Variants in MCTP1 observed in about 807,000 individuals in gnomAD.
MCTP1 encodes the protein multiple C2 and transmembrane domain containing 1, also known as multiple C2 and transmembrane domain-containing protein 1.
Under a neutral mutation model 120.6 loss-of-function variants are expected in MCTP1, and 69 were observed. The observed-to-expected ratio is 0.57, with a 90% CI of 0.47 to 0.70. MCTP1 has a LOEUF of 0.70. Ranked by LOEUF, MCTP1 falls within the 30% of genes least tolerant of loss-of-function variation. MCTP1 has a pLI of 0.00. For synonymous variants in MCTP1, 529 were observed against 493.1 expected (o/e 1.07, Z -0.96); for missense variants, 1,203 against 1,248.8 (o/e 0.96, Z 0.55).
chr5:94,774,869 TTGAATA>T (rs1774953574), intron 19 of MCTP1, among the ~76,000 whole-genome samples: 1 of 152,214 alleles, frequency 6.6e-6, no homozygotes, highest in South Asian at 2.1e-4. Flanking sequence ...AGTTATTTCA[TTGAATA>T]TAACTAGAAA....
chr5:94,810,641 A>G (rs1783210410), intron 17 of MCTP1, among the ~76,000 whole-genome samples: 1 of 152,200 alleles, frequency 6.6e-6, no homozygotes, highest in Non-Finnish European at 1.5e-5. Context: ...AGAAAAGCAG[A>G]TGATCAATTA....
intron 1 of MCTP1, among the ~76,000 whole-genome samples, chr5:95,158,359 A>G (rs1203809044): frequency 6.6e-6 from 1 of 152,222 alleles, no homozygotes; most frequent in East Asian, 1.9e-4. Flanking sequence ...CAAAAATTAT[A>G]CAATCCTCTG....
chr5:95,129,541 T>A (rs1758877633), intron 1 of MCTP1, among the ~76,000 whole-genome samples: 1 of 152,248 alleles, frequency 6.6e-6, no homozygotes, highest in African/African-American at 2.4e-5. Context: ...AGTATGTCTG[T>A]GAGTACATTT....
At chr5:94,915,805 T>C (rs159350) in intron 8 of MCTP1, among the ~76,000 whole-genome samples, 32,679 of 151,964 alleles carry the variant, frequency 0.22, 3,669 homozygotes, top group South Asian at 0.22. Context: ...CCATTTTCCA[T>C]TGGGTCCTTT....
At chr5:95,226,286 A>G (rs1319292733) in intron 1 of MCTP1, among the ~76,000 whole-genome samples, 1 of 152,146 alleles carries the variant, frequency 6.6e-6, no homozygotes, top group East Asian at 1.9e-4. Flanking sequence ...TATATATTTA[A>G]ATAGAGTATT....
chr5:95,168,583 T>C (rs547625252), intron 1 of MCTP1, among the ~76,000 whole-genome samples: 218 of 152,334 alleles, frequency 1.4e-3, no homozygotes, highest in African/African-American at 5.0e-3. Flanking sequence ...CGTTGAGCAG[T>C]GGTTTGTAGT....
At chr5:94,853,656 AC>A (rs1003615677) in intron 17 of MCTP1, among the ~76,000 whole-genome samples, 3 of 151,934 alleles carry the variant, frequency 2.0e-5, no homozygotes, top group African/African-American at 7.2e-5. Context: ...GAAGGACACC[AC>A]TGTGAGTGGC....
At chr5:95,151,368 C>G (rs1760885686) in intron 1 of MCTP1, among the ~76,000 whole-genome samples, 1 of 151,886 alleles carries the variant, frequency 6.6e-6, no homozygotes, top group South Asian at 2.1e-4. Context: ...AGGTTTTCAT[C>G]CTAATCATCT....
chr5:95,188,460 G>A (rs1167148731), intron 1 of MCTP1, among the ~76,000 whole-genome samples: 2 of 152,182 alleles, frequency 1.3e-5, no homozygotes, highest in East Asian at 1.9e-4. Flanking sequence ...GTACACTAAT[G>A]TTCACAGCAG....
intron 1 of MCTP1, among the ~76,000 whole-genome samples, chr5:95,126,434 T>A (rs1370525031): frequency 6.6e-6 from 1 of 152,236 alleles, no homozygotes; most frequent in Non-Finnish European, 1.5e-5. Context: ...CATGCATTTA[T>A]TTTTAACTTT....
intron 16 of MCTP1, among the ~76,000 whole-genome samples, chr5:94,869,383 C>T (rs189483166): frequency 2.6e-5 from 4 of 152,014 alleles, no homozygotes; most frequent in African/African-American, 9.6e-5. Context: ...TATGTGCATG[C>T]CAGTTTTAAC....
rs115730328 is a variant in MCTP1, at chr5:94,983,955, C to T, written c.839-30594G>A. ...TCTAACAATCCAGCAGTGCTCAGGACATTTTGTACTGCATTATGAATATTG... is the reference window on the plus strand; with the variant it reads ...TCTAACAATCCAGCAGTGCTCAGGATATTTTGTACTGCATTATGAATATTG... On this transcript the variant is annotated intron_variant, in intron 2 of 22. Transcript: ENST00000515393. 8.1e-3 allele frequency among the ~76,000 whole-genome samples: 1,232 copies of T among 152,224 alleles called. 22 individuals are homozygous for T. The highest frequency in any genetic ancestry group is 0.029 in the African/African-American group (1,186 of 41,542).
At chr5:94,904,168 A>G (rs1200909333) in intron 10 of MCTP1, among the ~76,000 whole-genome samples, 1 of 152,232 alleles carries the variant, frequency 6.6e-6, no homozygotes, top group African/African-American at 2.4e-5. Context: ...CACCTAAGTT[A>G]GTTTACCGAG....
intron 18 of MCTP1, among the ~76,000 whole-genome samples, chr5:94,781,003 A>C (rs1254964396): frequency 1.3e-5 from 2 of 152,160 alleles, no homozygotes; most frequent in African/African-American, 4.8e-5. Context: ...AGGGAGGTTT[A>C]AGATGGAAAA....
intron 17 of MCTP1, among the ~76,000 whole-genome samples, chr5:94,832,638 AC>A (rs1580927003): frequency 6.6e-6 from 1 of 150,442 alleles, no homozygotes; most frequent in East Asian, 1.9e-4. Context: ...ACACACACAC[AC>A]ACACACACTT....
At position 94,710,843 on chromosome 5, in the gene MCTP1, C is replaced by T. The variant is rs373763484; in HGVS notation, c.2805G>A (p.Pro935=). The T allele has an allele frequency of 1.1e-5, 17 of 1,612,090 alleles. No individual in the cohort carries two copies. The highest frequency in any genetic ancestry group is 4.0e-5 in the African/African-American group (3 of 74,762). ...CCCAGACAAGGACAATGTATCTCAG[C>T]GGAATGCAGTACAGGATGGCTGTGA... The part of the protein sequence containing the change: ...CVFTAILYCI[P]LRYIVLVWGI... Residue 935 remains proline, a synonymous_variant, in exon 21 of 23, where the codon CCG becomes CCA. Transcript: ENST00000515393.
chr5:94,724,760 A>G (rs970037336), intron 19 of MCTP1, among the ~76,000 whole-genome samples: 5 of 152,310 alleles, frequency 3.3e-5, no homozygotes, highest in Admixed American at 6.5e-5. Flanking sequence ...ATCAATATCA[A>G]TATCAAAACC....
intron 1 of MCTP1, among the ~76,000 whole-genome samples, chr5:95,210,461 T>C (rs1752211758): frequency 6.6e-6 from 1 of 150,508 alleles, no homozygotes; most frequent in Admixed American, 6.6e-5. Flanking sequence ...TCTTTGTTGG[T>C]TTAAAGTCTG....
chr5:95,258,660 C>T (rs1392020753), intron 1 of MCTP1, among the ~76,000 whole-genome samples: 1 of 152,224 alleles, frequency 6.6e-6, no homozygotes, highest in Non-Finnish European at 1.5e-5. Flanking sequence ...GTACAAAGTA[C>T]ATGGGAACTC....
Sources: allele counts gnomAD v4.1 joint callset (sites outside exome capture counted in the v4.1 genomes callset), GRCh38; gene constraint gnomAD v4.1.1; transcripts MANE v1.5; gene names NCBI Gene and HGNC (gene_info 2026-07-23, HGNC 2026-07-21).